Variants in NSD3 observed in about 807,000 individuals in gnomAD.
NSD3 encodes nuclear receptor binding SET domain protein 3.
In NSD3, 24 loss-of-function variants were observed where a neutral mutation model predicts 160.8. That is an observed-to-expected ratio of 0.15 (90% CI 0.11 to 0.21). NSD3 has a LOEUF of 0.21. Among genes scored for constraint, NSD3 ranks in the 10% least tolerant of loss-of-function variants. The probability of loss-of-function intolerance (pLI) is 1.00; values close to 1 mark genes in which losing one functional copy is unlikely to be tolerated. For missense variants in NSD3, 1,157 were observed against 1,735.9 expected (o/e 0.67, Z 5.93); for synonymous variants, 520 against 600.0 (o/e 0.87, Z 1.95).
intron 2 of NSD3, among the ~76,000 whole-genome samples, chr8:38,343,565 T>C (rs971065354): frequency 5.9e-5 from 9 of 151,964 alleles, no homozygotes; most frequent in Non-Finnish European, 1.3e-4. Flanking sequence ...TAGCCAGGCG[T>C]GGTGGCACAC....
At chr8:38,339,024 C>A (rs1810292467) in intron 2 of NSD3, among the ~76,000 whole-genome samples, 1 of 151,698 alleles carries the variant, frequency 6.6e-6, no homozygotes, top group East Asian at 1.9e-4. Context: ...CCTGTAGTCC[C>A]AGCTACTTGG....
At chr8:38,314,795 T>G in intron 11 of NSD3, 22 bp from the exon 12 acceptor site, 1 of 1,610,256 alleles carries the variant, frequency 6.2e-7, no homozygotes, top group Non-Finnish European at 8.5e-7. Flanking sequence ...CAAAAAGCAG[T>G]GGTTCTCAAA....
chr8:38,344,463 G>A (rs1390386814), intron 2 of NSD3, among the ~76,000 whole-genome samples: 1 of 152,010 alleles, frequency 6.6e-6, no homozygotes, highest in East Asian at 1.9e-4. Context: ...TAGTAGAGAT[G>A]GGGTTTCACC....
intron 1 of NSD3, among the ~76,000 whole-genome samples, chr8:38,352,689 C>G (rs948628572): frequency 6.6e-6 from 1 of 151,960 alleles, no homozygotes; most frequent in Non-Finnish European, 1.5e-5. Flanking sequence ...CTCACCGCAG[C>G]CTTGACTTCC....
intron 1 of NSD3, among the ~76,000 whole-genome samples, chr8:38,377,096 AG>A (rs1811409822): frequency 6.6e-6 from 1 of 152,102 alleles, no homozygotes; most frequent in Non-Finnish European, 1.5e-5. Context: ...TTTGCCTACC[AG>A]ACTGGAGCGC....
chr8:38,329,992 A>G lies in NSD3; in HGVS notation c.1066-99T>C. The G allele has an allele frequency of 7.2e-7, 1 of 1,385,912 alleles. No individual in the cohort carries two copies. The highest frequency in any genetic ancestry group is 9.7e-7 in the Non-Finnish European group (1 of 1,035,444). 85.9% of individuals were successfully genotyped at this position (1,385,912 alleles called of 1,614,324 possible). ...GTGATCCTGTTATCTTTTCAGGTCT[A>G]CATAAATATCTTCAGGTTCTTTGGT... On this transcript the variant is annotated intron_variant, in intron 5 of 23. Transcript: ENST00000317025. The surrounding 1 kb of genome is among the most constrained non-coding windows in gnomAD (Gnocchi z 4.8).
At chr8:38,365,149 G>T (rs957723546) in intron 1 of NSD3, among the ~76,000 whole-genome samples, 2 of 152,178 alleles carry the variant, frequency 1.3e-5, no homozygotes, top group Non-Finnish European at 2.9e-5. Flanking sequence ...TGAGTTCGCA[G>T]AGAAACATTT....
intron 15 of NSD3, 113 bp from the exon 16 acceptor site, chr8:38,296,065 T>A: frequency 9.2e-7 from 1 of 1,088,158 alleles, no homozygotes. Flanking sequence ...TGGGGGAAAA[T>A]AACAAAGGGA....
chr8:38,365,223 C>G (rs1221104026), intron 1 of NSD3, among the ~76,000 whole-genome samples: 2 of 152,174 alleles, frequency 1.3e-5, no homozygotes, highest in Admixed American at 6.5e-5. Context: ...TAAGCAAAAG[C>G]TGAGTCTCAC....
chr8:38,315,602 A>G (rs941965319), intron 10 of NSD3, 58 bp from the exon 11 acceptor site: 3 of 1,594,970 alleles, frequency 1.9e-6, no homozygotes, highest in Non-Finnish European at 2.6e-6. Context: ...CTCCAAGATA[A>G]GATGCTATGA....
chr8:38,323,789 C>T (rs2150372849), intron 7 of NSD3, among the ~76,000 whole-genome samples: 1 of 142,988 alleles, frequency 7.0e-6, no homozygotes, highest in Admixed American at 7.3e-5. Context: ...GATCACACCA[C>T]TGCACTTCAA....
chr8:38,289,993 A>G (rs1439193306), intron 17 of NSD3, among the ~76,000 whole-genome samples: 1 of 152,170 alleles, frequency 6.6e-6, no homozygotes, highest in African/African-American at 2.4e-5. Context: ...AGGTGGGCAG[A>G]TCGCTTGAAC....
At chr8:38,301,793 CTG>C (rs1286671338) in intron 14 of NSD3, among the ~76,000 whole-genome samples, 1 of 152,184 alleles carries the variant, frequency 6.6e-6, no homozygotes, top group Admixed American at 6.5e-5. Flanking sequence ...CTTAGGGAAA[CTG>C]TGGCAATTCA....
intron 19 of NSD3, among the ~76,000 whole-genome samples, chr8:38,287,734 C>A (rs986167145): frequency 2.3e-4 from 35 of 151,634 alleles, no homozygotes; most frequent in Admixed American, 3.9e-4. Flanking sequence ...CTCACTGCAA[C>A]CTCCACCTCC....
intron 18 of NSD3, among the ~76,000 whole-genome samples, chr8:38,289,063 C>T (rs1808933747): frequency 6.6e-6 from 1 of 152,106 alleles, no homozygotes; most frequent in Non-Finnish European, 1.5e-5. Context: ...AGGGAGTAAA[C>T]ACCTATATTC....
rs575251214 is a variant in NSD3, at chr8:38,327,089, G to A, written c.1582-233C>T. Among the ~76,000 whole-genome samples the A allele has an allele frequency of 7.4e-5, 11 of 149,562 alleles. No individual in the cohort carries two copies. The East Asian group carries it at 1.2e-3, about 16-fold the overall frequency. ...TTTTGAGAAGAAGTCTCCCTCTGTC[G>A]CCCAGGCTGGAGTGCATGGTGTGAT... On this transcript the variant is annotated intron_variant, in intron 6 of 23. Transcript: ENST00000317025.
intron 1 of NSD3, 35 bp downstream of exon 1, chr8:38,381,746 GCACACACACACACACACA>G (rs58263746): frequency 2.1e-5 from 3 of 144,698 alleles, no homozygotes; most frequent in Non-Finnish European, 4.5e-5. Flanking sequence ...GCGCGCGCGC[GCACACACACACACACACA>G]CACACACACA....
At chr8:38,379,214 C>G (rs1449109617) in intron 1 of NSD3, among the ~76,000 whole-genome samples, 1 of 151,822 alleles carries the variant, frequency 6.6e-6, no homozygotes. Context: ...AATACCTGTC[C>G]AAGGAACCAG....
chr8:38,279,438 A>AT (rs1390396738), intron 21 of NSD3, 102 bp downstream of exon 21: 2 of 1,348,622 alleles, frequency 1.5e-6, no homozygotes, highest in Non-Finnish European at 2.0e-6. Flanking sequence ...CTCTTATTTA[A>AT]ATAAGTTCTT....
Sources: gnomAD v4.1 joint callset for allele counts (sites outside exome capture counted in the v4.1 genomes callset) on GRCh38, gnomAD v4.1.1 for gene constraint, Gnocchi (gnomAD v3.1) non-coding constraint, MANE v1.5 for transcripts, NCBI Gene and HGNC (gene_info 2026-07-23, HGNC 2026-07-21) for gene names.